The following MYCBP2 variants were observed in gnomAD, a reference collection of about 807,000 sequenced individuals.
The protein encoded by MYCBP2 is MYC binding protein 2, also known as E3 ubiquitin-protein ligase MYCBP2.
Under a neutral mutation model 525.3 loss-of-function variants are expected in MYCBP2, and 120 were observed. That is an observed-to-expected ratio of 0.23 (90% confidence interval 0.20 to 0.27). The LOEUF is 0.27. Ranked by LOEUF, MYCBP2 falls within the 10% of genes least tolerant of loss-of-function variation. The pLI is 1.00. For missense variants in MYCBP2, 4,149 were observed against 5,657.1 expected (o/e 0.73, Z 8.55); for synonymous variants, 1,894 against 1,955.8 (o/e 0.97, Z 0.83).
intron 20 of MYCBP2, among the ~76,000 whole-genome samples, chr13:77,220,389 T>C (rs2065380707): frequency 6.6e-6 from 1 of 152,066 alleles, no homozygotes; most frequent in Non-Finnish European, 1.5e-5. Context: ...GAAGATTAAG[T>C]AACCTGGCCA....
chr13:77,181,733 G>A lies in MYCBP2; in HGVS notation c.4909C>T (p.Leu1637Phe), dbSNP rs536325546. 1.2e-6 allele frequency: 2 copies of A among 1,613,980 alleles called. No individual in the cohort carries two copies. Among genetic ancestry groups the A allele is most frequent in the South Asian group, 2.2e-5 (2 of 91,062 alleles). Residue 1637 changes from leucine to phenylalanine, a missense_variant, in exon 33 of 83, where the codon CTT (leucine) becomes TTT (phenylalanine). Leu to Phe is a conservative substitution (Grantham distance 22). This residue lies in a region of MYCBP2 where 292 missense variants were observed against 330.5 expected (regional missense o/e 0.88). Coordinates refer to ENST00000544440, the MANE Select transcript of MYCBP2 (RefSeq NM_015057.5). ...NDSTLVHRFP[L>F]LVAHMEKLSQ... The stretch of plus-strand genomic sequence containing the variant: ...AGTTTTTCCATATGTGCCACCAAAA[G>A]GGGAAAACGATGAACTAGTGTTGAG...
intron 26 of MYCBP2, 92 bp from the exon 27 acceptor site, chr13:77,194,336 G>T: frequency 1.2e-6 from 1 of 857,974 alleles, no homozygotes; most frequent in Non-Finnish European, 1.9e-6. Context: ...ATGAATGTAT[G>T]CTGGACCATA....
chr13:77,292,284 C>T (rs546180810), intron 2 of MYCBP2, among the ~76,000 whole-genome samples: 1 of 152,134 alleles, frequency 6.6e-6, no homozygotes, highest in African/African-American at 2.4e-5. Flanking sequence ...GCTCTGTATC[C>T]TTTGTTGTAA....
chr13:77,282,094 G>A (rs1175046674), intron 3 of MYCBP2, among the ~76,000 whole-genome samples: 2 of 152,038 alleles, frequency 1.3e-5, no homozygotes, highest in African/African-American at 2.4e-5. Flanking sequence ...AGAAAGAGAG[G>A]AGGAGAAGGC....
intron 71 of MYCBP2, among the ~76,000 whole-genome samples, chr13:77,067,226 G>A (rs2040363126): frequency 6.6e-6 from 1 of 152,106 alleles, no homozygotes; most frequent in Admixed American, 6.5e-5. Context: ...TAAAGCTTTA[G>A]TTGACCTGAA....
At chr13:77,122,430 G>A (rs570482748) in intron 54 of MYCBP2, among the ~76,000 whole-genome samples, 1 of 151,948 alleles carries the variant, frequency 6.6e-6, no homozygotes, top group South Asian at 2.1e-4. Context: ...GGCCGGTCGC[G>A]GTGGCTTACG....
At chr13:77,141,639 C>G (rs979877478) in intron 49 of MYCBP2, among the ~76,000 whole-genome samples, 1 of 151,908 alleles carries the variant, frequency 6.6e-6, no homozygotes, top group Middle Eastern at 3.4e-3. Context: ...GGCCTGGTGG[C>G]GCGCACCTGT....
In MYCBP2 at chr13:77,243,965, C is replaced by CAAAAA. The variant is rs35429706; in HGVS notation, c.2382-19_2382-15dup. 11 of 1,192,126 alleles carry CAAAAA rather than the reference C, an allele frequency of 9.2e-6. No individual in the cohort carries two copies. The highest frequency in any genetic ancestry group is 8.5e-6 in the Non-Finnish European group (8 of 943,030). 73.8% of individuals were successfully genotyped at this position (1,192,126 alleles called of 1,614,324 possible). On this transcript the variant is annotated splice_polypyrimidine_tract_variant and intron_variant, in intron 15 of 82. Transcript: ENST00000544440. Reference sequence around the variant, plus strand: ...CAACCACAGATCCTAGGGGGAAATACAAAAAAAAAAAAAAAAGACAACTGA... The same window carrying CAAAAA: ...CAACCACAGATCCTAGGGGGAAATACAAAAAAAAAAAAAAAAAAAAAGACAACTGA...
chr13:77,170,658 C>A (rs2059042427), intron 38 of MYCBP2, among the ~76,000 whole-genome samples: 1 of 151,092 alleles, frequency 6.6e-6, no homozygotes, highest in African/African-American at 2.4e-5. Context: ...CTCACTGCAG[C>A]CTCCGCCTCC....
chr13:77,106,535 TA>T (rs561188910), intron 55 of MYCBP2, among the ~76,000 whole-genome samples: 4 of 151,978 alleles, frequency 2.6e-5, no homozygotes, highest in African/African-American at 4.8e-5. Context: ...ATAATACAGA[TA>T]AAAAAAATTT....
chr13:77,071,659 C>T (rs1233324388), intron 68 of MYCBP2, among the ~76,000 whole-genome samples: 1 of 152,084 alleles, frequency 6.6e-6, no homozygotes, highest in Non-Finnish European at 1.5e-5. Context: ...AACCAAAAAC[C>T]AGTAAGGCTC....
At chr13:77,273,155 A>T (rs1274313064) in intron 5 of MYCBP2, among the ~76,000 whole-genome samples, 3 of 152,182 alleles carry the variant, frequency 2.0e-5, no homozygotes, top group African/African-American at 7.2e-5. Flanking sequence ...ATACTAAAAA[A>T]CTCAGGGAAA....
chr13:77,127,005 AG>A (rs2051792465), intron 52 of MYCBP2, among the ~76,000 whole-genome samples: 1 of 152,112 alleles, frequency 6.6e-6, no homozygotes, highest in South Asian at 2.1e-4. Flanking sequence ...TAGAGAAAAC[AG>A]GTATGAAGAA....
At chr13:77,186,576 CATT>C (rs1393830855) in intron 30 of MYCBP2, among the ~76,000 whole-genome samples, 1 of 151,928 alleles carries the variant, frequency 6.6e-6, no homozygotes, top group East Asian at 1.9e-4. Flanking sequence ...TTGATAAATA[CATT>C]AATAGAAGAT....
At chr13:77,165,784 C>T (rs1047261979) in intron 41 of MYCBP2, among the ~76,000 whole-genome samples, 1 of 152,080 alleles carries the variant, frequency 6.6e-6, no homozygotes, top group South Asian at 2.1e-4. Flanking sequence ...AACAAACAAA[C>T]AAATAGGCAG....
chr13:77,176,543 G>C lies in MYCBP2; in HGVS notation c.5426C>G (p.Pro1809Arg). ...VKGTYTTDDSPSDIAEIRLDK... is the reference protein window; with the variant it reads ...VKGTYTTDDSRSDIAEIRLDK... ...AAGTCTGATCTCAGCTATATCACTG[G>C]GTGAGTCATCCGTTGTGTACGTTCC... is the stretch of plus-strand genomic sequence containing the variant. The change falls in exon 36 of 83, where the codon CCC becomes CGC. Residue 1809 changes from proline (P) to arginine (R), a missense_variant. By Grantham distance (103) the Pro-to-Arg change is moderately radical. This residue lies in a region of MYCBP2 where 109 missense variants were observed against 118.9 expected (regional missense o/e 0.92). Transcript: ENST00000544440. 1 of 1,598,566 alleles carries C rather than the reference G, an allele frequency of 6.3e-7. No homozygotes were observed.
intron 21 of MYCBP2, among the ~76,000 whole-genome samples, chr13:77,216,378 A>C (rs866336491): frequency 6.6e-6 from 1 of 152,226 alleles, no homozygotes; most frequent in African/African-American, 2.4e-5. Context: ...TCAGGAAAGA[A>C]TGATCAATGG....
intron 68 of MYCBP2, chr13:77,075,952 A>G (rs540415998): frequency 6.6e-6 from 1 of 152,324 alleles, no homozygotes; most frequent in South Asian, 2.1e-4. Flanking sequence ...AGGGTGAGAC[A>G]AGGGAAATCC....
At chr13:77,122,332 T>TA (rs753565918) in intron 54 of MYCBP2, among the ~76,000 whole-genome samples, 83 of 152,200 alleles carry the variant, frequency 5.5e-4, no homozygotes, top group Non-Finnish European at 9.4e-4. Flanking sequence ...TTATGAAAAA[T>TA]AAAATATCTC....
Sources: allele counts gnomAD v4.1 joint callset (sites outside exome capture counted in the v4.1 genomes callset), GRCh38; gene constraint gnomAD v4.1.1; regional missense constraint gnomAD v4.1.1; transcripts MANE v1.5; gene names NCBI Gene and HGNC (gene_info 2026-07-23, HGNC 2026-07-21).